The following ANO10 variants were observed in gnomAD, a reference collection of about 807,000 sequenced individuals.
ANO10 encodes anoctamin-10.
A neutral mutation model predicts 74.7 loss-of-function variants in ANO10; 77 were observed. The ratio of observed to expected loss-of-function variants is 1.03; its 90% CI spans 0.86 to 1.25. The LOEUF is 1.25. Among genes scored for constraint, ANO10 ranks in the 50% most tolerant of loss-of-function variants. ANO10 has a pLI of 0.00. For missense variants in ANO10, 721 were observed against 778.1 expected (o/e 0.93, Z 0.87); for synonymous variants, 279 against 284.9 (o/e 0.98, Z 0.21).
Position 43,580,476 on chromosome 3 carries a change from C to A in ANO10, c.473-4G>T, listed in dbSNP as rs759296175. The stretch of plus-strand genomic sequence containing the variant: ...CCAGACGTGAGCAATCTTCTCACTG[C>A]ACAGGGAAAATGTGCCAAACTGCAT... On this transcript the variant is annotated splice_region_variant and splice_polypyrimidine_tract_variant and intron_variant, in intron 4 of 12. Transcript: ENST00000292246. The A allele has an allele frequency of 1.2e-6, 2 of 1,613,144 alleles. No homozygotes were observed. Among genetic ancestry groups the A allele is most frequent in the East Asian group, 2.2e-5 (1 of 44,870 alleles).
In ANO10 at chr3:43,485,217, T is replaced by C. The variant is rs956891779; in HGVS notation, c.1798-52490A>G. On this transcript the variant is annotated intron_variant, in intron 11 of 12. Coordinates refer to ENST00000292246, the MANE Select transcript of ANO10 (RefSeq NM_018075.5). ...CAGGTACCGGTATTGCCGGTACATG[T>C]TGTAGGTGCAGCTCCGGGAGTCATA... 15 of 676,416 alleles carry C rather than the reference T, an allele frequency of 2.2e-5. No homozygotes were observed. The African/African-American group carries it at 2.3e-4, about 10-fold the overall frequency. The allele number at this position is 676,416 out of a possible 1,614,324, so 41.9% of individuals were successfully genotyped here.
At chr3:43,512,911 G>C (rs1424704961) in intron 11 of ANO10, among the ~76,000 whole-genome samples, 2 of 152,154 alleles carry the variant, frequency 1.3e-5, no homozygotes, top group African/African-American at 4.8e-5. Context: ...TTACTGCCTA[G>C]ACAAAGTCTC....
At chr3:43,439,573 A>G (rs2093127720) in intron 11 of ANO10, among the ~76,000 whole-genome samples, 1 of 152,110 alleles carries the variant, frequency 6.6e-6, no homozygotes, top group South Asian at 2.1e-4. Flanking sequence ...TAACTACAAA[A>G]GAATACCAAT....
At chr3:43,565,031 C>T (rs1211017337) in intron 8 of ANO10, among the ~76,000 whole-genome samples, 1 of 152,150 alleles carries the variant, frequency 6.6e-6, no homozygotes, top group Non-Finnish European at 1.5e-5. Flanking sequence ...TAATTTTTAA[C>T]AAGTGGAGTC....
intron 11 of ANO10, among the ~76,000 whole-genome samples, chr3:43,488,623 C>G (rs1235465578): frequency 6.7e-6 from 1 of 149,112 alleles, no homozygotes; most frequent in Non-Finnish European, 1.5e-5. Context: ...CAATGAGATA[C>G]CATCTCACAC....
chr3:43,549,089 G>A (rs761828810), intron 11 of ANO10, among the ~76,000 whole-genome samples: 6 of 133,390 alleles, frequency 4.5e-5, no homozygotes, highest in Non-Finnish European at 9.4e-5. Flanking sequence ...TAAATGTATG[G>A]AATTTGATTT....
chr3:43,555,257 A>AT lies in ANO10; in HGVS notation c.1668+20dup. 3.7e-6 allele frequency: 6 copies of AT among 1,611,152 alleles called. No homozygotes were observed. In the East Asian group the frequency reaches 6.7e-5, roughly 18 times the overall value. On this transcript the variant is annotated intron_variant, in intron 10 of 12. Transcript: ENST00000292246. ...CGTATTTTTATTTTTTAAAGGAATA[A>AT]TTTTTTTCTCAAACAATTACCTGCC...
chr3:43,549,806 A>G lies in ANO10; in HGVS notation c.1711T>C (p.Cys571Arg), dbSNP rs2079375143. The G allele has an allele frequency of 1.9e-6, 3 of 1,614,076 alleles. No homozygotes were observed. The highest frequency in any genetic ancestry group is 2.5e-6 in the Non-Finnish European group (3 of 1,179,906). Reference protein sequence around the residue: ...TMSVISVVTNCALIGMSPQVN... With the variant: ...TMSVISVVTNRALIGMSPQVN... ...TGTGGTGACATTCCAATCAGCGCAC[A>G]GTTAGTGACCACAGATATAACACTC... The change falls in exon 11 of 13, where the codon TGT becomes CGT. Residue 571 changes from cysteine to arginine, a missense_variant. Physicochemically the swap from Cys to Arg is radical, Grantham distance 180. Coordinates refer to ENST00000292246, the MANE Select transcript of ANO10 (RefSeq NM_018075.5).
chr3:43,533,302 C>G (rs2078556099), intron 11 of ANO10, among the ~76,000 whole-genome samples: 1 of 152,152 alleles, frequency 6.6e-6, no homozygotes, highest in Non-Finnish European at 1.5e-5. Context: ...CTAAGCCATG[C>G]CCCTGCCTCC....
chr3:43,500,409 AC>A (rs2077057574), intron 11 of ANO10, among the ~76,000 whole-genome samples: 1 of 152,186 alleles, frequency 6.6e-6, no homozygotes, highest in Non-Finnish European at 1.5e-5. Context: ...TTATAGCCCC[AC>A]CCAGAATTCA....
intron 11 of ANO10, among the ~76,000 whole-genome samples, chr3:43,464,583 G>A (rs1045203235): frequency 6.6e-6 from 1 of 152,124 alleles, no homozygotes; most frequent in African/African-American, 2.4e-5. Context: ...GGGAGGCTGA[G>A]GTAGACAATC....
At chr3:43,635,603 A>G (rs185625974) in intron 1 of ANO10, among the ~76,000 whole-genome samples, 3 of 151,002 alleles carry the variant, frequency 2.0e-5, no homozygotes, top group Admixed American at 1.3e-4. Context: ...AGTTCGTATA[A>G]TCTGGTAAGC....
intron 9 of ANO10, among the ~76,000 whole-genome samples, chr3:43,555,962 A>G (rs190317290): frequency 1.2e-4 from 18 of 152,264 alleles, no homozygotes; most frequent in Non-Finnish European, 2.5e-4. Flanking sequence ...CTCACTGGCT[A>G]TTTTCGAGGT....
At chr3:43,639,189 A>G (rs2083645586) in intron 1 of ANO10, 1 of 152,354 alleles carries the variant, frequency 6.6e-6, no homozygotes, top group Admixed American at 6.5e-5. Flanking sequence ...GTGTTGTTCT[A>G]GTTGTTAGAA....
At position 43,580,370 on chromosome 3, in the gene ANO10, A is replaced by C. The variant is rs1287405548; in HGVS notation, c.575T>G (p.Leu192Trp). Residue 192 changes from leucine to tryptophan, a missense_variant, in exon 5 of 13, where the codon TTG becomes TGG. Physicochemically the swap from Leu to Trp is moderately conservative, Grantham distance 61 (BLOSUM62 -2). Coordinates refer to ENST00000292246, the MANE Select transcript of ANO10 (RefSeq NM_018075.5). ...LEDTWYTRFA[L>W]KYQPIDSIRG... ...ACACATACCTATGGGCTGATACTTC[A>C]AAGCAAACCGAGTGTACCAGGTGTC... is the stretch of plus-strand genomic sequence containing the variant. The C allele has an allele frequency of 6.2e-7, 1 of 1,613,914 alleles. No individual in the cohort carries two copies. Among genetic ancestry groups the C allele is most frequent in the Non-Finnish European group, 8.5e-7 (1 of 1,179,976 alleles).
At chr3:43,592,340 C>A (rs1295135000) in intron 4 of ANO10, among the ~76,000 whole-genome samples, 1 of 152,228 alleles carries the variant, frequency 6.6e-6, no homozygotes, top group Non-Finnish European at 1.5e-5. Context: ...AACTGGGAGG[C>A]AACTCCCAGT....
At chr3:43,372,000 G>T (rs2091629390) in intron 12 of ANO10, among the ~76,000 whole-genome samples, 1 of 152,226 alleles carries the variant, frequency 6.6e-6, no homozygotes, top group Non-Finnish European at 1.5e-5. Flanking sequence ...GGGGCAGGAA[G>T]GTGCTTGCAG....
At position 43,576,970 on chromosome 3, in the gene ANO10, T is replaced by C. The variant is rs144349000; in HGVS notation, c.884A>G (p.Asn295Ser). The C allele has an allele frequency of 1.4e-4, 228 of 1,613,830 alleles. 2 individuals are homozygous for C. Among genetic ancestry groups the C allele is most frequent in the Admixed American group, 2.5e-4 (15 of 60,000 alleles). Residue 295 changes from asparagine (N) to serine (S), a missense_variant, in exon 6 of 13, where the codon AAT (asparagine) becomes AGT (serine). Asn to Ser is a conservative substitution (Grantham distance 46, BLOSUM62 1). Transcript: ENST00000292246. Reference protein sequence around the residue: ...RPGFHGVLGINSITGKEEPLY... With the variant: ...RPGFHGVLGISSITGKEEPLY... ...AGGCTCCTCCTTCCCAGTGATGGAA[T>C]TGATACCCAAGACACCATGAAATCC...
At chr3:43,565,888 G>C (rs1050247570) in intron 7 of ANO10, among the ~76,000 whole-genome samples, 161 bp from the exon 8 acceptor site, 1 of 152,198 alleles carries the variant, frequency 6.6e-6, no homozygotes, top group African/African-American at 2.4e-5. Context: ...GAGCGACGCA[G>C]AAGACGGGTG....
Sources: gnomAD v4.1 joint callset for allele counts (sites outside exome capture counted in the v4.1 genomes callset) on GRCh38, gnomAD v4.1.1 for gene constraint, MANE v1.5 for transcripts, NCBI Gene and HGNC (gene_info 2026-07-23, HGNC 2026-07-21) for gene names.